Variants in BRINP3 observed in about 807,000 individuals in gnomAD.
BRINP3 encodes BMP/retinoic acid inducible neural specific 3.
A neutral mutation model predicts 71.0 loss-of-function variants in BRINP3; 19 were observed. The ratio of observed to expected loss-of-function variants is 0.27; its 90% CI spans 0.19 to 0.39. BRINP3 has a LOEUF of 0.39. Ranked by LOEUF, BRINP3 falls within the 10% of genes least tolerant of loss-of-function variation. BRINP3 has a pLI of 1.00. For missense variants in BRINP3, 959 were observed against 940.8 expected (o/e 1.02, Z -0.25); for synonymous variants, 380 against 337.7 (o/e 1.13, Z -1.37).
intron 2 of BRINP3, among the ~76,000 whole-genome samples, chr1:190,284,053 T>C (rs941389028): frequency 3.9e-5 from 6 of 152,020 alleles, no homozygotes; most frequent in African/African-American, 9.7e-5. Flanking sequence ...TTATATCCTG[T>C]ATAAATGCTT....
At chr1:190,242,267 T>A (rs991695361) in intron 4 of BRINP3, among the ~76,000 whole-genome samples, 5 of 152,066 alleles carry the variant, frequency 3.3e-5, no homozygotes, top group African/African-American at 4.8e-5. Flanking sequence ...ATGCTACATG[T>A]CCTCAAATAA....
intron 2 of BRINP3, among the ~76,000 whole-genome samples, chr1:190,379,890 T>C (rs956770139): frequency 6.7e-6 from 1 of 149,260 alleles, no homozygotes; most frequent in Non-Finnish European, 1.5e-5. Flanking sequence ...TTCCAGCTAC[T>C]CAGGAGGCTG....
At chr1:190,193,512 C>T (rs1366681054) in intron 6 of BRINP3, among the ~76,000 whole-genome samples, 1 of 151,902 alleles carries the variant, frequency 6.6e-6, no homozygotes, top group Admixed American at 6.6e-5. Flanking sequence ...AATGCCCCTC[C>T]CCAAAAAATA....
chr1:190,295,571 C>T (rs1305186312), intron 2 of BRINP3, among the ~76,000 whole-genome samples: 2 of 152,148 alleles, frequency 1.3e-5, no homozygotes, highest in African/African-American at 2.4e-5. Flanking sequence ...CCACTGTAGT[C>T]AGGTAGTGGT....
At chr1:190,416,362 A>C (rs1366471014) in intron 2 of BRINP3, among the ~76,000 whole-genome samples, 1 of 152,132 alleles carries the variant, frequency 6.6e-6, no homozygotes, top group East Asian at 1.9e-4. Context: ...AATAGTGCTT[A>C]TATGACCCCC....
chr1:190,381,913 C>T (rs773765048), intron 2 of BRINP3, among the ~76,000 whole-genome samples: 9 of 152,060 alleles, frequency 5.9e-5, no homozygotes, highest in Non-Finnish European at 1.2e-4. Context: ...CAGAATTAAG[C>T]CTAAATCCTC....
chr1:190,175,847 A>T (rs1234575700), intron 6 of BRINP3, among the ~76,000 whole-genome samples: 3 of 152,096 alleles, frequency 2.0e-5, no homozygotes, highest in Non-Finnish European at 4.4e-5. Context: ...TGATTAAAAC[A>T]ATTTATTTCT....
At chr1:190,206,673 TATCTGTTAATAC>T (rs1655528529) in intron 6 of BRINP3, among the ~76,000 whole-genome samples, 1 of 152,060 alleles carries the variant, frequency 6.6e-6, no homozygotes, top group Non-Finnish European at 1.5e-5. Flanking sequence ...AATAAAACCA[TATCTGTTAATAC>T]GGCTTTTTGT....
chr1:190,428,430 C>G (rs537611223), intron 2 of BRINP3, among the ~76,000 whole-genome samples: 1 of 151,626 alleles, frequency 6.6e-6, no homozygotes, highest in Non-Finnish European at 1.5e-5. Context: ...TCATAATCCC[C>G]CCCCAAAAAA....
At chr1:190,197,811 G>A (rs1338703399) in intron 6 of BRINP3, among the ~76,000 whole-genome samples, 1 of 152,110 alleles carries the variant, frequency 6.6e-6, no homozygotes, top group African/African-American at 2.4e-5. Context: ...CTACCATTCT[G>A]GGGTCTGGAG....
chr1:190,477,773 T>C lies in BRINP3; in HGVS notation c.-376A>G, dbSNP rs1677586783. The stretch of plus-strand genomic sequence containing the variant: ...ACAGTGGGGAAAGGCAGAAGCTGTG[T>C]AACCCCAGAGAACAGGAGGTGGAAT... On this transcript the variant is annotated 5_prime_UTR_variant, in exon 1 of 8. Transcript: ENST00000367462. 1 of 152,182 alleles carries C rather than the reference T, an allele frequency of 6.6e-6. No individual in the cohort carries two copies. Among genetic ancestry groups the C allele is most frequent in the Admixed American group, 6.5e-5 (1 of 15,278 alleles). 9.4% of individuals were successfully genotyped at this position (152,182 alleles called of 1,614,324 possible).
chr1:190,208,405 G>T (rs1444153996), intron 6 of BRINP3, among the ~76,000 whole-genome samples: 1 of 152,046 alleles, frequency 6.6e-6, no homozygotes, highest in Admixed American at 6.6e-5. Flanking sequence ...AAGCAGGTAA[G>T]GGTTTTCCTT....
At chr1:190,400,459 T>C (rs1004585423) in intron 2 of BRINP3, among the ~76,000 whole-genome samples, 14 of 152,186 alleles carry the variant, frequency 9.2e-5, no homozygotes, top group African/African-American at 2.7e-4. Context: ...AAAATAGTTA[T>C]GATACAAAGA....
chr1:190,411,189 G>A (rs1672639471), intron 2 of BRINP3, among the ~76,000 whole-genome samples: 1 of 151,938 alleles, frequency 6.6e-6, no homozygotes, highest in African/African-American at 2.4e-5. Flanking sequence ...GGTGGTACCC[G>A]GAAGCAACAG....
intron 2 of BRINP3, among the ~76,000 whole-genome samples, chr1:190,337,680 T>A (rs1365985145): frequency 6.6e-6 from 1 of 152,080 alleles, no homozygotes; most frequent in Non-Finnish European, 1.5e-5. Context: ...GCTTCCCTAC[T>A]TTTGAGGTTT....
intron 2 of BRINP3, among the ~76,000 whole-genome samples, chr1:190,289,030 T>A (rs1448113246): frequency 2.0e-5 from 3 of 151,998 alleles, no homozygotes; most frequent in South Asian, 2.1e-4. Context: ...GATTTTTTTT[T>A]AAACCATGGA....
chr1:190,355,747 C>T (rs1558211734), intron 2 of BRINP3, among the ~76,000 whole-genome samples: 1 of 151,736 alleles, frequency 6.6e-6, no homozygotes, highest in Non-Finnish European at 1.5e-5. Flanking sequence ...TCCTATGTAC[C>T]AAGTTTTTCC....
At position 190,329,098 on chromosome 1, in the gene BRINP3, C is replaced by T. The variant is rs191580964; in HGVS notation, c.237-47348G>A. ...CCAGGCAAAAACTGGAAACATTTCC[C>T]CTTGAAAATTTGAACAAATAAAGGA... On this transcript the variant is annotated intron_variant, in intron 2 of 7. Coordinates refer to ENST00000367462, the MANE Select transcript of BRINP3 (RefSeq NM_199051.3). Among the ~76,000 whole-genome samples, 194 of 152,042 alleles carry T rather than the reference C, an allele frequency of 1.3e-3. 1 individual carries two copies. The highest frequency in any genetic ancestry group is 2.1e-3 in the Non-Finnish European group (144 of 67,954).
chr1:190,431,244 A>T (rs1243933554), intron 2 of BRINP3, among the ~76,000 whole-genome samples: 1 of 152,092 alleles, frequency 6.6e-6, no homozygotes, highest in Non-Finnish European at 1.5e-5. Flanking sequence ...AATGCATTTG[A>T]TTTTCTCTAT....
Sources: gnomAD v4.1 joint callset for allele counts (sites outside exome capture counted in the v4.1 genomes callset) on GRCh38, gnomAD v4.1.1 for gene constraint, MANE v1.5 for transcripts, NCBI Gene and HGNC (gene_info 2026-07-23, HGNC 2026-07-21) for gene names.